PRKN: variants seen among roughly 807,000 people sequenced by gnomAD.
PRKN encodes E3 ubiquitin-protein ligase parkin.
In PRKN, 56 loss-of-function variants were observed where a neutral mutation model predicts 59.5. That is an observed-to-expected ratio of 0.94 (90% CI 0.76 to 1.18). The LOEUF (loss-of-function observed/expected upper bound fraction) is 1.18, where lower values mean the gene tolerates loss of function less well. Among genes scored for constraint, PRKN ranks in the 50% most tolerant of loss-of-function variants. The pLI is 0.00. For synonymous variants in PRKN, 250 were observed against 222.1 expected, an observed-to-expected ratio of 1.13 and a Z score of -1.12; for missense variants, 657 against 596.4, an observed-to-expected ratio of 1.10 and a Z score of -1.06.
At chr6:161,811,439 G>A (rs1791554366) in intron 6 of PRKN, among the ~76,000 whole-genome samples, 1 of 152,206 alleles carries the variant, frequency 6.6e-6, no homozygotes, top group South Asian at 2.1e-4. Context: ...ACAGAAGAGT[G>A]AGTCTAACAG....
Position 161,787,650 on chromosome 6 carries a change from AAAAG to A in PRKN, c.735-1746_735-1743del, listed in dbSNP as rs1790474719. ...AATGTGCCTGTATATAACAAAGTTA[AAAAG>A]AAAGCTTAGAGGCCAGGCGTGGTGG... On this transcript the variant is annotated intron_variant, in intron 6 of 11. Coordinates refer to ENST00000366898, the MANE Select transcript of PRKN (RefSeq NM_004562.3). Among the ~76,000 whole-genome samples the A allele has an allele frequency of 2.6e-5, 4 of 152,238 alleles. No individual in the cohort carries two copies. The South Asian group carries it at 8.3e-4, about 31-fold the overall frequency.
chr6:161,546,451 T>C lies in PRKN; in HGVS notation c.1083+2403A>G, dbSNP rs919076565. 6.6e-6 allele frequency among the ~76,000 whole-genome samples: 1 copy of C among 152,154 alleles called. No homozygotes were observed. Among genetic ancestry groups the C allele is most frequent in the African/African-American group, 2.4e-5 (1 of 41,432 alleles). Reference sequence around the variant, plus strand: ...GGGATTTGAAGACAAAGGGCAATGATGAAATCAATTTATCTCTGCTGAGAA... The same window carrying C: ...GGGATTTGAAGACAAAGGGCAATGACGAAATCAATTTATCTCTGCTGAGAA... On this transcript the variant is annotated intron_variant, in intron 9 of 11. Coordinates refer to ENST00000366898, the MANE Select transcript of PRKN (RefSeq NM_004562.3). This position sits in a 1 kb window ranked among gnomAD's most constrained non-coding sequence, Gnocchi z 4.4.
intron 3 of PRKN, among the ~76,000 whole-genome samples, chr6:162,208,940 A>C (rs1785074650): frequency 1.3e-5 from 2 of 152,162 alleles, no homozygotes; most frequent in African/African-American, 4.8e-5. Flanking sequence ...CTTATACAAA[A>C]ATTAAATCAA....
chr6:162,633,615 T>G (rs1353860587), intron 1 of PRKN, among the ~76,000 whole-genome samples: 1 of 152,080 alleles, frequency 6.6e-6, no homozygotes, highest in African/African-American at 2.4e-5. Context: ...ACCTGGAGGT[T>G]GCAGATTGCC....
chr6:161,667,466 T>G (rs1230886932), intron 7 of PRKN, among the ~76,000 whole-genome samples: 1 of 152,234 alleles, frequency 6.6e-6, no homozygotes, highest in African/African-American at 2.4e-5. Flanking sequence ...TCTCCTGCGA[T>G]GCTTTCTCCA....
At chr6:162,705,250 A>G (rs1285271563) in intron 1 of PRKN, among the ~76,000 whole-genome samples, 1 of 152,142 alleles carries the variant, frequency 6.6e-6, no homozygotes, top group Non-Finnish European at 1.5e-5. Context: ...CCTTAAAGTG[A>G]TACCCTTGAA....
intron 1 of PRKN, among the ~76,000 whole-genome samples, chr6:162,579,519 TCA>T (rs140382382): frequency 1.1e-4 from 16 of 151,126 alleles, no homozygotes; most frequent in East Asian, 5.9e-4. Flanking sequence ...ACACACAGAT[TCA>T]CACAGATTCT....
chr6:162,637,646 C>G, intron 1 of PRKN, among the ~76,000 whole-genome samples: 1 of 152,130 alleles, frequency 6.6e-6, no homozygotes, highest in South Asian at 2.1e-4. Context: ...CTTCTGTATT[C>G]TCTTTTCCCT....
intron 2 of PRKN, among the ~76,000 whole-genome samples, chr6:162,423,996 ACCAGCGT>A (rs1789102316): frequency 6.6e-6 from 1 of 152,202 alleles, no homozygotes; most frequent in South Asian, 2.1e-4. Context: ...TTTGGAAGCA[ACCAGCGT>A]GTCCTCATAG....
chr6:161,553,863 G>A (rs1053458203), intron 8 of PRKN, among the ~76,000 whole-genome samples: 1 of 152,146 alleles, frequency 6.6e-6, no homozygotes, highest in Admixed American at 6.5e-5. Context: ...ACATGATCCT[G>A]ACACCATTCA....
At chr6:161,411,029 A>T (rs1444567797) in intron 9 of PRKN, among the ~76,000 whole-genome samples, 1 of 152,104 alleles carries the variant, frequency 6.6e-6, no homozygotes, top group Non-Finnish European at 1.5e-5. Flanking sequence ...TTTTTCAGAT[A>T]AAAAACCTAA....
intron 6 of PRKN, among the ~76,000 whole-genome samples, chr6:161,935,317 C>G (rs1779314107): frequency 6.6e-6 from 1 of 151,960 alleles, no homozygotes; most frequent in South Asian, 2.1e-4. Flanking sequence ...ACTTTGGAGG[C>G]CAAGGAGGGT....
In PRKN at chr6:161,985,417, C is replaced by T. The variant is rs114988081; in HGVS notation, c.619-12000G>A. 5.1e-3 allele frequency among the ~76,000 whole-genome samples: 771 copies of T among 152,198 alleles called. 12 individuals carry two copies. Among genetic ancestry groups the T allele is most frequent in the African/African-American group, 0.018 (746 of 41,532 alleles). On this transcript the variant is annotated intron_variant, in intron 5 of 11. Coordinates refer to ENST00000366898, the MANE Select transcript of PRKN (RefSeq NM_004562.3). ...ATTTCCTTTTGTAATCTCCCACCAC[C>T]GAGTGTTCGACTCCATGATTTGACC... is the stretch of plus-strand genomic sequence containing the variant.
chr6:161,843,326 TGA>T (rs1466687182), intron 6 of PRKN, among the ~76,000 whole-genome samples: 7 of 152,242 alleles, frequency 4.6e-5, no homozygotes, highest in Non-Finnish European at 8.8e-5. Context: ...CCATCTTCTC[TGA>T]GAGACAGCTG....
At chr6:162,705,574 C>G (rs1320083711) in intron 1 of PRKN, among the ~76,000 whole-genome samples, 1 of 152,150 alleles carries the variant, frequency 6.6e-6, no homozygotes, top group Non-Finnish European at 1.5e-5. Flanking sequence ...CATGGAAAGA[C>G]ATCAAACACT....
intron 4 of PRKN, 86 bp downstream of exon 4, chr6:162,201,045 G>T: frequency 7.2e-7 from 1 of 1,386,424 alleles, no homozygotes; most frequent in Non-Finnish European, 1.0e-6. Context: ...AAAGACGGGT[G>T]ATACATCATT....
intron 4 of PRKN, among the ~76,000 whole-genome samples, chr6:162,117,429 T>A (rs1157312862): frequency 6.6e-6 from 1 of 152,212 alleles, no homozygotes; most frequent in Non-Finnish European, 1.5e-5. Flanking sequence ...ATCCTGGCCA[T>A]GTGAACTATA....
chr6:161,816,739 A>G (rs1437615526), intron 6 of PRKN, among the ~76,000 whole-genome samples: 1 of 152,078 alleles, frequency 6.6e-6, no homozygotes, highest in Non-Finnish European at 1.5e-5. Flanking sequence ...AAAAAAAAAA[A>G]AAATTGTTCA....
chr6:161,380,973 A>C lies in PRKN; in HGVS notation c.1167+5821T>G, dbSNP rs539649587. On this transcript the variant is annotated intron_variant, in intron 10 of 11. Transcript: ENST00000366898. ...CTCCAGTTTGCCACAGACCACCCCCACCCGCCCCAGCATGGGGCTATGTGT... is the reference window on the plus strand; with the variant it reads ...CTCCAGTTTGCCACAGACCACCCCCCCCCGCCCCAGCATGGGGCTATGTGT... Among the ~76,000 whole-genome samples, 981 of 151,258 alleles carry C rather than the reference A, an allele frequency of 6.5e-3. 8 individuals carry two copies. Among genetic ancestry groups the C allele is most frequent in the Non-Finnish European group, 9.9e-3 (669 of 67,814 alleles).
Sources: gnomAD v4.1 joint callset for allele counts (sites outside exome capture counted in the v4.1 genomes callset) on GRCh38, gnomAD v4.1.1 for gene constraint, Gnocchi (gnomAD v3.1) non-coding constraint, MANE v1.5 for transcripts, NCBI Gene and HGNC (gene_info 2026-07-23, HGNC 2026-07-21) for gene names.